The following PDXDC1 variants were observed in gnomAD, a reference collection of about 807,000 sequenced individuals.
PDXDC1 encodes the protein pyridoxal-dependent decarboxylase domain-containing protein 1.
In PDXDC1, 42 loss-of-function variants were observed where a neutral mutation model predicts 100.1. That is an observed-to-expected ratio of 0.42 (90% CI 0.33 to 0.54). The LOEUF (loss-of-function observed/expected upper bound fraction) is 0.54. Among genes scored for constraint, PDXDC1 ranks in the 20% least tolerant of loss-of-function variants. The pLI is 0.10. For missense variants in PDXDC1, 636 were observed against 979.2 expected (o/e 0.65, Z 4.68); for synonymous variants, 260 against 371.7 (o/e 0.70, Z 3.46).
the PDXDC1 span, among the ~76,000 whole-genome samples, chr16:15,145,908 G>A: frequency 3.0e-3 from 456 of 152,340 alleles, 3 homozygotes; most frequent in African/African-American, 0.01. Context: ...GGCCACTGCA[G>A]AGCTCCAGAA....
intron 16 of PDXDC1, among the ~76,000 whole-genome samples, chr16:15,059,773 G>C (rs1030762118): frequency 1.3e-5 from 2 of 152,138 alleles, no homozygotes; most frequent in African/African-American, 4.8e-5. Context: ...GTAACTTTTT[G>C]AAAGAAGTGT....
chr16:15,065,103 T>C, intron 16 of PDXDC1: 2 of 1,044,254 alleles, frequency 1.9e-6, no homozygotes, highest in Non-Finnish European at 2.8e-6. Context: ...GAGGCGGAGC[T>C]TGCGGTAAGC....
At chr16:15,010,479 A>G (rs2041167849) in intron 8 of PDXDC1, 3 of 154,454 alleles carry the variant, frequency 1.9e-5, no homozygotes, top group African/African-American at 7.2e-5. Context: ...GCAAGACCCC[A>G]TCTCAATAAA....
At chr16:15,032,314 T>C (rs1247240273) in intron 17 of PDXDC1, 1 of 194,198 alleles carries the variant, frequency 5.1e-6, no homozygotes, top group East Asian at 1.2e-4. Flanking sequence ...CAAACCTCTT[T>C]TTGTATTGCC....
At chr16:15,003,999 A>G (rs1308512001) in intron 4 of PDXDC1, among the ~76,000 whole-genome samples, 188 bp from the exon 5 acceptor site, 2 of 152,254 alleles carry the variant, frequency 1.3e-5, no homozygotes, top group Non-Finnish European at 2.9e-5. Flanking sequence ...AAAAAAATAT[A>G]TTTTTTTCTC....
chr16:15,092,133 C>G (rs1225186269), intron 16 of PDXDC1, among the ~76,000 whole-genome samples: 1 of 152,090 alleles, frequency 6.6e-6, no homozygotes, highest in South Asian at 2.1e-4. Context: ...GAGCCGAGGT[C>G]ACGCCACTGC....
At chr16:15,035,304 C>T (rs779186466) in intron 21 of PDXDC1, 145 bp from the exon 22 acceptor site, 3 of 499,704 alleles carry the variant, frequency 6.0e-6, no homozygotes, top group South Asian at 6.8e-5. Context: ...ACGGCACATT[C>T]ATAAGTGCCC....
chr16:15,132,546 G>A (rs1276108370), intron 16 of PDXDC1, among the ~76,000 whole-genome samples: 1 of 151,044 alleles, frequency 6.6e-6, no homozygotes, highest in Non-Finnish European at 1.5e-5. Context: ...GTTCACACAG[G>A]ACAGCAGAAA....
intron 16 of PDXDC1, among the ~76,000 whole-genome samples, chr16:15,080,864 CAT>C (rs1253590886): frequency 1.3e-5 from 2 of 151,540 alleles, no homozygotes; most frequent in Admixed American, 1.3e-4. Flanking sequence ...TCATATAATA[CAT>C]GTTTTTAGGG....
intron 16 of PDXDC1, chr16:15,126,094 G>A (rs2047706953): frequency 2.0e-6 from 1 of 497,204 alleles, no homozygotes; most frequent in South Asian, 2.1e-5. Context: ...GAGTGCACTG[G>A]CGCAATCTCA....
intron 16 of PDXDC1, chr16:15,108,145 T>G (rs1187263424): frequency 1.3e-6 from 1 of 789,046 alleles, no homozygotes; most frequent in Admixed American, 6.3e-5. Flanking sequence ...ACCCTGGTGT[T>G]GACTGACTTT....
At chr16:14,984,045 C>A (rs1968643463) in intron 1 of PDXDC1, among the ~76,000 whole-genome samples, 1 of 152,256 alleles carries the variant, frequency 6.6e-6, no homozygotes, top group Non-Finnish European at 1.5e-5. Context: ...CACCTGTAGT[C>A]CCAGCTACTT....
downstream of PDXDC1, among the ~76,000 whole-genome samples, chr16:15,143,976 G>A (rs1297902834): frequency 1.3e-5 from 2 of 152,322 alleles, no homozygotes; most frequent in South Asian, 2.1e-4. Flanking sequence ...AACTGGGCTG[G>A]GGGGACCGGC....
intron 3 of PDXDC1, 127 bp from the exon 4 acceptor site, chr16:15,001,649 C>G: frequency 1.5e-6 from 1 of 671,024 alleles, no homozygotes; most frequent in African/African-American, 1.8e-5. Context: ...CACGTTCTTT[C>G]TCTTATAGTT....
chr16:15,135,156 T>C (rs1387251276), intron 16 of PDXDC1: 27 of 827,096 alleles, frequency 3.3e-5, no homozygotes, highest in Non-Finnish European at 5.3e-5. Context: ...TTACGTAGAA[T>C]TTGCATCAGA....
At chr16:14,997,714 G>C in intron 1 of PDXDC1, 39 bp from the exon 2 acceptor site, 5 of 1,564,160 alleles carry the variant, frequency 3.2e-6, no homozygotes. Flanking sequence ...GGTAATAGAG[G>C]ATTATTAAAA....
chr16:15,017,342 A>T lies in PDXDC1; in HGVS notation c.883A>T (p.Met295Leu), dbSNP rs370994273. The change falls in exon 11 of 23, where the codon ATG becomes TTG. Residue 295 changes from methionine (M) to leucine (L), a missense_variant. Physicochemically the swap from Met to Leu is conservative, Grantham distance 15 (BLOSUM62 2). Around this residue, in one of 4 missense-constraint regions of PDXDC1, gnomAD observed 125 missense variants for 479.9 expected, o/e 0.26. Transcript: ENST00000396410. ...SVLAAAKCDS[M>L]TMTPGPWLGL... ...GTAGGCTGCAGCCAAATGTGATAGCATGACGATGACTCCTGGCCCGTGGCT... is the reference window on the plus strand; with the variant it reads ...GTAGGCTGCAGCCAAATGTGATAGCTTGACGATGACTCCTGGCCCGTGGCT... The T allele has an allele frequency of 6.2e-7, 1 of 1,613,170 alleles. No individual in the cohort carries two copies. The highest frequency in any genetic ancestry group is 1.3e-5 in the African/African-American group (1 of 75,006).
chr16:14,989,658 CCGGCGGCCACGGGGCCAGGACCTGGGGA>C (rs1970253185), intron 1 of PDXDC1: 1 of 1,565,664 alleles, frequency 6.4e-7, no homozygotes, highest in Admixed American at 2.0e-5. Context: ...GGGCCCGGGG[CCGGCGGCCACGGGGCCAGGACCTGGGGA>C]CCCCAGCTGC....
Position 15,032,999 on chromosome 16 carries a change from G to A in PDXDC1, c.1690+20G>A, listed in dbSNP as rs1293850033. ...AAATAGGTAACTGCTTACTTTGTAA[G>A]TCAGCTGTGGGGTTTGGAAGGACAC... is the stretch of plus-strand genomic sequence containing the variant. On this transcript the variant is annotated intron_variant, in intron 18 of 22. Coordinates refer to ENST00000396410, the MANE Select transcript of PDXDC1 (RefSeq NM_015027.4). 7.1e-7 allele frequency: 1 copy of A among 1,400,024 alleles called. No homozygotes were observed. The highest frequency in any genetic ancestry group is 1.4e-5 in the African/African-American group (1 of 70,866). 86.7% of individuals were successfully genotyped at this position (1,400,024 alleles called of 1,614,324 possible).
Sources: allele counts gnomAD v4.1 joint callset (sites outside exome capture counted in the v4.1 genomes callset), GRCh38; gene constraint gnomAD v4.1.1; regional missense constraint gnomAD v4.1.1; transcripts MANE v1.5; gene names NCBI Gene and HGNC (gene_info 2026-07-23, HGNC 2026-07-21).